Variants in NCALD observed in about 807,000 individuals in gnomAD.
The protein encoded by NCALD is neurocalcin-delta.
In NCALD, 10 loss-of-function variants were observed where a neutral mutation model predicts 18.6. The observed-to-expected ratio is 0.54, with a 90% CI of 0.33 to 0.91. The LOEUF (loss-of-function observed/expected upper bound fraction) is 0.91. Ranked by LOEUF, NCALD falls within the 40% of genes least tolerant of loss-of-function variation. The pLI is 0.03. For missense variants in NCALD, 184 were observed against 247.6 expected, an observed-to-expected ratio of 0.74 and a Z score of 1.72; for synonymous variants, 88 against 87.4, an observed-to-expected ratio of 1.01 and a Z score of -0.04.
intron 2 of NCALD, among the ~76,000 whole-genome samples, chr8:101,935,866 T>C (rs1360833548): frequency 7.2e-6 from 1 of 138,716 alleles, no homozygotes; most frequent in Non-Finnish European, 1.5e-5. Context: ...GACAGGAAAA[T>C]CAATGAAGCA....
chr8:102,124,509 C>CCT (rs1826053173), upstream of NCALD: 2 of 143,344 alleles, frequency 1.4e-5, no homozygotes, highest in African/African-American at 5.1e-5. Context: ...CCCCCCCTCC[C>CCT]CCGCTTGCCC....
At chr8:102,100,024 T>C (rs1825227163) in intron 1 of NCALD, among the ~76,000 whole-genome samples, 1 of 122,984 alleles carries the variant, frequency 8.1e-6, no homozygotes, top group Non-Finnish European at 1.7e-5. Context: ...GAAATAGCAG[T>C]CTCTGAAAAC....
intron 3 of NCALD, among the ~76,000 whole-genome samples, chr8:101,892,447 G>A (rs977979852): frequency 1.3e-5 from 2 of 149,346 alleles, no homozygotes; most frequent in Non-Finnish European, 2.9e-5. Flanking sequence ...ACTCTAAAAC[G>A]CAGAGTGCCT....
intron 1 of NCALD, chr8:101,750,729 CAG>C (rs1810619739): frequency 1.3e-5 from 2 of 152,230 alleles, no homozygotes; most frequent in African/African-American, 4.8e-5. Flanking sequence ...AGCTTTCTGT[CAG>C]ACTCTCTGAA....
At chr8:101,848,447 C>A (rs519197) in intron 4 of NCALD, among the ~76,000 whole-genome samples, 44,760 of 152,030 alleles carry the variant, frequency 0.29, 7,758 homozygotes, top group African/African-American at 0.47. Flanking sequence ...ACAGATACAG[C>A]AAGAAGCTGT....
At position 102,005,361 on chromosome 8, in the gene NCALD, C is replaced by A. The variant is rs371025394; in HGVS notation, c.-157+14876G>T. Among the ~76,000 whole-genome samples the A allele has an allele frequency of 5.1e-4, 78 of 152,168 alleles. 2 individuals are homozygous for A. The South Asian group carries it at 0.015, about 30-fold the overall frequency. The stretch of plus-strand genomic sequence containing the variant: ...CACACCAGTTAGAATGGCGATCATT[C>A]AAAAGTCAGGAAACAACAGGTGCTG... On this transcript the variant is annotated intron_variant, in intron 2 of 6. Coordinates refer to the NCALD transcript ENST00000311028.
At chr8:102,123,065 C>G (rs1403652167) in intron 1 of NCALD, among the ~76,000 whole-genome samples, 1 of 152,228 alleles carries the variant, frequency 6.6e-6, no homozygotes, top group Non-Finnish European at 1.5e-5. Flanking sequence ...CCATAAAACA[C>G]GGGGATCTCC....
chr8:102,090,132 T>C (rs1824876505), intron 1 of NCALD, among the ~76,000 whole-genome samples: 1 of 152,160 alleles, frequency 6.6e-6, no homozygotes. Context: ...AAATATGAAA[T>C]AGTGTTTGGC....
intron 4 of NCALD, among the ~76,000 whole-genome samples, chr8:101,867,873 T>C (rs530539723): frequency 1.3e-5 from 2 of 152,336 alleles, no homozygotes; most frequent in East Asian, 3.9e-4. Flanking sequence ...AAATGTCATC[T>C]ATGCCTAGGT....
At chr8:101,693,889 G>C (rs958573685) in intron 2 of NCALD, 1 of 152,162 alleles carries the variant, frequency 6.6e-6, no homozygotes, top group African/African-American at 2.4e-5. Flanking sequence ...GAAACCACCT[G>C]CCATCAGAGC....
intron 2 of NCALD, among the ~76,000 whole-genome samples, chr8:101,971,804 C>CT (rs1313440923): frequency 6.6e-6 from 1 of 152,206 alleles, no homozygotes; most frequent in Non-Finnish European, 1.5e-5. Context: ...CCCAGAAACA[C>CT]TGACCTGGCC....
intron 1 of NCALD, among the ~76,000 whole-genome samples, chr8:102,060,227 CGCCTTG>C (rs138562658): frequency 0.31 from 46,682 of 151,864 alleles, 9,744 homozygotes; most frequent in African/African-American, 0.59. Context: ...GTGATCTGCC[CGCCTTG>C]GCCTCCCAAA....
chr8:102,077,031 G>A (rs1824370131), intron 1 of NCALD, among the ~76,000 whole-genome samples: 2 of 151,972 alleles, frequency 1.3e-5, no homozygotes, highest in Admixed American at 1.3e-4. Flanking sequence ...TCCCTTACAG[G>A]CCCTTCCTGA....
intron 2 of NCALD, among the ~76,000 whole-genome samples, chr8:101,992,933 T>G (rs763198189): frequency 6.6e-5 from 10 of 151,018 alleles, no homozygotes; most frequent in Non-Finnish European, 1.2e-4. Flanking sequence ...GAAACTCTTA[T>G]TTCCATCTTC....
At chr8:102,003,764 C>A (rs1406530669) in intron 2 of NCALD, among the ~76,000 whole-genome samples, 3 of 152,272 alleles carry the variant, frequency 2.0e-5, no homozygotes, top group East Asian at 1.9e-4. Context: ...ATAAACAGAA[C>A]CAATGACAAA....
chr8:101,693,114 C>T, intron 2 of NCALD: 2 of 443,626 alleles, frequency 4.5e-6, no homozygotes, highest in East Asian at 8.7e-5. Flanking sequence ...GGAGGGACAA[C>T]CAGCAGGAAG....
chr8:101,738,416 T>G (rs1586357287), intron 1 of NCALD, among the ~76,000 whole-genome samples: 1 of 151,622 alleles, frequency 6.6e-6, no homozygotes, highest in South Asian at 2.1e-4. Flanking sequence ...TGGTGGCAGG[T>G]GCCTGTAATC....
At chr8:101,777,162 C>G (rs1173709340) in intron 1 of NCALD, among the ~76,000 whole-genome samples, 1 of 152,192 alleles carries the variant, frequency 6.6e-6, no homozygotes, top group Non-Finnish European at 1.5e-5. Flanking sequence ...AGACAACACA[C>G]CTGTTTCCCA....
intron 1 of NCALD, among the ~76,000 whole-genome samples, chr8:101,731,882 C>T (rs944449190): frequency 1.3e-5 from 2 of 152,220 alleles, no homozygotes; most frequent in Non-Finnish European, 2.9e-5. Flanking sequence ...TGGTCACATT[C>T]CAGGCCTACA....
Sources: allele counts gnomAD v4.1 joint callset (sites outside exome capture counted in the v4.1 genomes callset), GRCh38; gene constraint gnomAD v4.1.1; transcripts MANE v1.5; gene names NCBI Gene and HGNC (gene_info 2026-07-23, HGNC 2026-07-21).